The following EMCN variants were observed in gnomAD, a reference collection of about 807,000 sequenced individuals.
EMCN encodes the protein endomucin, also known as MUC-14.
EMCN carries 37 observed loss-of-function variants against 38.4 expected under a neutral mutation model. The observed-to-expected ratio is 0.96, with a 90% CI of 0.74 to 1.27. The LOEUF (loss-of-function observed/expected upper bound fraction) is 1.27. EMCN is among the 50% of genes most tolerant of loss of function. The probability of loss-of-function intolerance (pLI) is 0.00; values close to 1 mark genes in which losing one functional copy is unlikely to be tolerated. For missense variants in EMCN, 318 were observed against 302.8 expected, an observed-to-expected ratio of 1.05 and a Z score of -0.37; for synonymous variants, 95 against 100.8, an observed-to-expected ratio of 0.94 and a Z score of 0.35.
chr4:100,470,781 GA>G (rs1372063324), intron 3 of EMCN, among the ~76,000 whole-genome samples: 1 of 151,934 alleles, frequency 6.6e-6, no homozygotes, highest in East Asian at 1.9e-4. Context: ...ATTAACACAG[GA>G]AAAGAAAATA....
intron 10 of EMCN, among the ~76,000 whole-genome samples, chr4:100,410,846 T>G (rs1726533309): frequency 6.6e-6 from 1 of 152,072 alleles, no homozygotes; most frequent in Non-Finnish European, 1.5e-5. Context: ...GCAGCGCAGG[T>G]GCCATTACTC....
At chr4:100,499,895 C>T (rs1729303185) in intron 1 of EMCN, among the ~76,000 whole-genome samples, 1 of 152,152 alleles carries the variant, frequency 6.6e-6, no homozygotes, top group Non-Finnish European at 1.5e-5. Context: ...ACAAGTGAGG[C>T]TTTGAACCCT....
chr4:100,515,855 C>A (rs1456306375), intron 1 of EMCN, among the ~76,000 whole-genome samples: 1 of 151,976 alleles, frequency 6.6e-6, no homozygotes, highest in Non-Finnish European at 1.5e-5. Context: ...AACAAACAAA[C>A]AAACAAAAAA....
intron 1 of EMCN, among the ~76,000 whole-genome samples, chr4:100,509,852 G>A (rs1037924603): frequency 3.9e-5 from 6 of 152,046 alleles, no homozygotes; most frequent in Non-Finnish European, 5.9e-5. Flanking sequence ...TTTATGGAAC[G>A]GTTTCCTATT....
At chr4:100,416,916 C>A (rs1177152315) in intron 9 of EMCN, among the ~76,000 whole-genome samples, 1 of 151,860 alleles carries the variant, frequency 6.6e-6, no homozygotes, top group Admixed American at 6.6e-5. Flanking sequence ...TTTTTATTTC[C>A]CATTTTACCA....
intron 11 of EMCN, among the ~76,000 whole-genome samples, chr4:100,409,297 A>G (rs1490214341): frequency 6.6e-6 from 1 of 152,190 alleles, no homozygotes; most frequent in Non-Finnish European, 1.5e-5. Context: ...CTCAAAAACT[A>G]AGTGACAGCA....
At chr4:100,469,481 T>TTCCAGCTTCATTTATTGAACAGG (rs1560628448) in intron 3 of EMCN, among the ~76,000 whole-genome samples, 10 of 121,602 alleles carry the variant, frequency 8.2e-5, no homozygotes, top group East Asian at 2.0e-4. Context: ...ATTAGCAAAA[T>TTCCAGCTTCATTTATTGAACAGG]GAAAAAGCAG....
At chr4:100,494,945 G>A (rs1407990475) in intron 1 of EMCN, among the ~76,000 whole-genome samples, 1 of 151,644 alleles carries the variant, frequency 6.6e-6, no homozygotes, top group Admixed American at 6.6e-5. Context: ...TTAATTAACT[G>A]TATTTTTTTT....
At chr4:100,494,732 G>T (rs1013626323) in intron 1 of EMCN, among the ~76,000 whole-genome samples, 3 of 151,548 alleles carry the variant, frequency 2.0e-5, no homozygotes, top group African/African-American at 7.3e-5. Flanking sequence ...GTAAAAGAAA[G>T]AGCTGAAGAT....
intron 1 of EMCN, among the ~76,000 whole-genome samples, chr4:100,490,837 T>C (rs1313449513): frequency 1.3e-5 from 2 of 152,206 alleles, no homozygotes; most frequent in African/African-American, 4.8e-5. Flanking sequence ...TCTTCTTTTA[T>C]ATTTTTTATA....
chr4:100,472,852 G>A (rs1173539410), intron 3 of EMCN, among the ~76,000 whole-genome samples: 1 of 151,588 alleles, frequency 6.6e-6, no homozygotes, highest in East Asian at 1.9e-4. Flanking sequence ...TGTAGTTGCA[G>A]CTTTTGCATT....
chr4:100,503,599 G>A (rs1729404836), intron 1 of EMCN, among the ~76,000 whole-genome samples: 1 of 151,520 alleles, frequency 6.6e-6, no homozygotes, highest in Non-Finnish European at 1.5e-5. Flanking sequence ...TTAGTTCTAA[G>A]ACAGGGTTTT....
intron 11 of EMCN, among the ~76,000 whole-genome samples, chr4:100,409,005 T>C (rs1726474790): frequency 6.6e-6 from 1 of 152,156 alleles, no homozygotes; most frequent in Non-Finnish European, 1.5e-5. Flanking sequence ...GACACATATG[T>C]TTGGATGGCA....
At chr4:100,498,899 A>T (rs1729279164) in intron 1 of EMCN, among the ~76,000 whole-genome samples, 1 of 152,210 alleles carries the variant, frequency 6.6e-6, no homozygotes, top group South Asian at 2.1e-4. Context: ...CAAATAATTT[A>T]CTTACATATC....
chr4:100,434,586 G>A (rs372431016), intron 5 of EMCN, among the ~76,000 whole-genome samples: 71 of 151,816 alleles, frequency 4.7e-4, no homozygotes, highest in Non-Finnish European at 9.1e-4. Flanking sequence ...ATAAAACCTC[G>A]GGCCAATATC....
chr4:100,448,020 A>G lies in EMCN; in HGVS notation c.377-449T>C, dbSNP rs550254011. On this transcript the variant is annotated intron_variant, in intron 4 of 11. Coordinates refer to ENST00000296420, the MANE Select transcript of EMCN (RefSeq NM_016242.4). Reference sequence around the variant, plus strand: ...TTTGAATATCCTGAGATAACATAGAAAACAAAAATCCTTCAGTAAGTGCTT... The same window carrying G: ...TTTGAATATCCTGAGATAACATAGAGAACAAAAATCCTTCAGTAAGTGCTT... 2.6e-5 allele frequency among the ~76,000 whole-genome samples: 4 copies of G among 152,112 alleles called. No homozygotes were observed. In the South Asian group the frequency reaches 8.3e-4, roughly 32 times the overall value.
At chr4:100,442,532 T>C (rs1727552297) in intron 5 of EMCN, among the ~76,000 whole-genome samples, 1 of 149,764 alleles carries the variant, frequency 6.7e-6, no homozygotes, top group Non-Finnish European at 1.5e-5. Context: ...TGCTTAATGG[T>C]GTTCCATAAG....
chr4:100,504,121 G>T (rs1048518115), intron 1 of EMCN, among the ~76,000 whole-genome samples: 1 of 152,186 alleles, frequency 6.6e-6, no homozygotes, highest in Non-Finnish European at 1.5e-5. Context: ...GGATGTCTTT[G>T]TAGAATATTG....
At chr4:100,414,167 G>A (rs1342080233) in intron 10 of EMCN, among the ~76,000 whole-genome samples, 2 of 152,050 alleles carry the variant, frequency 1.3e-5, no homozygotes, top group Non-Finnish European at 2.9e-5. Flanking sequence ...TTCCAGGTAT[G>A]TTTAGCACCC....
Sources: allele counts gnomAD v4.1 joint callset (sites outside exome capture counted in the v4.1 genomes callset), GRCh38; gene constraint gnomAD v4.1.1; transcripts MANE v1.5; gene names NCBI Gene and HGNC (gene_info 2026-07-23, HGNC 2026-07-21).